KIAA1549L: variants seen among roughly 807,000 people sequenced by gnomAD.
KIAA1549L encodes KIAA1549 like.
A neutral mutation model predicts 160.7 loss-of-function variants in KIAA1549L; 88 were observed. That is an observed-to-expected ratio of 0.55 (90% CI 0.46 to 0.65). The LOEUF (loss-of-function observed/expected upper bound fraction) is 0.65. Ranked by LOEUF, KIAA1549L falls within the 30% of genes least tolerant of loss-of-function variation. The probability of loss-of-function intolerance (pLI) is 0.00; values close to 1 mark genes in which losing one functional copy is unlikely to be tolerated. For synonymous variants in KIAA1549L, 950 were observed against 976.7 expected, an observed-to-expected ratio of 0.97 and a Z score of 0.51; for missense variants, 2,258 against 2,437.5, an observed-to-expected ratio of 0.93 and a Z score of 1.55.
intron 16 of KIAA1549L, among the ~76,000 whole-genome samples, chr11:33,637,479 C>A (rs941883518): frequency 6.6e-6 from 1 of 152,252 alleles, no homozygotes; most frequent in African/African-American, 2.4e-5. Flanking sequence ...ACCCTGCCTT[C>A]CTCTCCAGCC....
Position 33,522,649 on chromosome 11 carries a change from A to C in KIAA1549L, c.239-19153A>C, listed in dbSNP as rs954566968. Among the ~76,000 whole-genome samples, 9 of 152,176 alleles carry C rather than the reference A, an allele frequency of 5.9e-5. 1 individual carries two copies. The highest frequency in any genetic ancestry group is 5.9e-4 in the Admixed American group (9 of 15,272). On this transcript the variant is annotated intron_variant, in intron 1 of 20. Coordinates refer to ENST00000658780, the MANE Select transcript of KIAA1549L (RefSeq NM_012194.3). ...AATAATTTATGCCTGTAATCCCAGCACTTTGGGAGGCTAAGGCAGGAGGAT... is the reference window on the plus strand; with the variant it reads ...AATAATTTATGCCTGTAATCCCAGCCCTTTGGGAGGCTAAGGCAGGAGGAT...
At chr11:33,452,894 T>C (rs907203042) in intron 1 of KIAA1549L, among the ~76,000 whole-genome samples, 1 of 152,212 alleles carries the variant, frequency 6.6e-6, no homozygotes, top group Non-Finnish European at 1.5e-5. Context: ...GTGGGACCAG[T>C]GGCTCTGTAT....
At position 33,441,116 on chromosome 11, in the gene KIAA1549L, C is replaced by T. The variant is rs541302599; in HGVS notation, c.238+64227C>T. On this transcript the variant is annotated intron_variant, in intron 1 of 20. Transcript: ENST00000658780. ...CCCCAGTGTGTGATGTTCCCCTTCCCGTGTCCATGTGTTCTCATTGTTCAG... is the reference window on the plus strand; with the variant it reads ...CCCCAGTGTGTGATGTTCCCCTTCCTGTGTCCATGTGTTCTCATTGTTCAG... Among the ~76,000 whole-genome samples, 7 of 149,920 alleles carry T rather than the reference C, an allele frequency of 4.7e-5. No homozygotes were observed. The South Asian group carries it at 1.1e-3, about 23-fold the overall frequency.
At chr11:33,510,358 C>T (rs369836962) in intron 1 of KIAA1549L, among the ~76,000 whole-genome samples, 26 of 152,144 alleles carry the variant, frequency 1.7e-4, no homozygotes, top group African/African-American at 5.5e-4. Context: ...GCTAATTTTT[C>T]GTACTTGTAG....
At chr11:33,652,591 A>G (rs1370522875) in intron 17 of KIAA1549L, among the ~76,000 whole-genome samples, 1 of 152,266 alleles carries the variant, frequency 6.6e-6, no homozygotes, top group African/African-American at 2.4e-5. Context: ...TGCTGACTAC[A>G]GAATAAGCCT....
intron 16 of KIAA1549L, among the ~76,000 whole-genome samples, chr11:33,641,909 C>T (rs1851597557): frequency 6.6e-6 from 1 of 152,058 alleles, no homozygotes; most frequent in African/African-American, 2.4e-5. Flanking sequence ...TGACTGGGAG[C>T]TCCTTGAGGG....
At chr11:33,495,383 T>A (rs1852792751) in intron 1 of KIAA1549L, among the ~76,000 whole-genome samples, 1 of 151,830 alleles carries the variant, frequency 6.6e-6, no homozygotes. Flanking sequence ...GGTGTTTGGT[T>A]TTTTGTTCTT....
chr11:33,659,005 C>T, intron 19 of KIAA1549L, 107 bp downstream of exon 19: 1 of 1,145,988 alleles, frequency 8.7e-7, no homozygotes, highest in Non-Finnish European at 1.2e-6. Context: ...CCTCAGGAAT[C>T]ACAGCCACTG....
At position 33,668,224 on chromosome 11, in the gene KIAA1549L, G is replaced by C; in HGVS notation, c.*70G>C. The C allele has an allele frequency of 4.2e-6, 6 of 1,440,866 alleles. No individual in the cohort carries two copies. The South Asian group carries it at 7.7e-5, about 19-fold the overall frequency. The allele number at this position is 1,440,866 out of a possible 1,614,324, so 89.3% of individuals were successfully genotyped here. ...CAGCCTTTGGGTTTCCCATGCCTAC[G>C]TGTTAGGACTTGAGACATAGCAATG... On this transcript the variant is annotated 3_prime_UTR_variant, in exon 21 of 21. Coordinates refer to ENST00000658780, the MANE Select transcript of KIAA1549L (RefSeq NM_012194.3).
chr11:33,396,208 C>T (rs764139577), intron 1 of KIAA1549L, among the ~76,000 whole-genome samples: 28 of 152,176 alleles, frequency 1.8e-4, no homozygotes, highest in Non-Finnish European at 3.7e-4. Context: ...TGTCCTATTA[C>T]AGGACCATCA....
At chr11:33,433,370 T>C (rs1268073549) in intron 1 of KIAA1549L, among the ~76,000 whole-genome samples, 1 of 152,060 alleles carries the variant, frequency 6.6e-6, no homozygotes, top group Non-Finnish European at 1.5e-5. Context: ...ATCAGAGAAA[T>C]GCAAATCAAA....
chr11:33,656,828 C>T (rs1262975043), intron 18 of KIAA1549L, among the ~76,000 whole-genome samples: 6 of 152,078 alleles, frequency 3.9e-5, no homozygotes, highest in Admixed American at 2.0e-4. Context: ...GGAGGGACCC[C>T]GCTCTCATTG....
Position 33,542,882 on chromosome 11 carries a change from C to G in KIAA1549L, c.1319C>G (p.Thr440Ser), listed in dbSNP as rs775484286. ...ACCAGCAGAAAGCTAGCCTCTGCCACTGCAAATGACTCTGCTAACCCGCTG... is the reference window on the plus strand; with the variant it reads ...ACCAGCAGAAAGCTAGCCTCTGCCAGTGCAAATGACTCTGCTAACCCGCTG... Reference protein sequence around the residue: ...EMTSRKLASATANDSANPLHL... With the variant: ...EMTSRKLASASANDSANPLHL... The change falls in exon 2 of 21, where the codon ACT becomes AGT. Residue 440 changes from threonine (T) to serine (S), a missense_variant. Physicochemically the swap from Thr to Ser is moderately conservative, Grantham distance 58 (BLOSUM62 1). Transcript: ENST00000658780. 1 of 1,614,006 alleles carries G rather than the reference C, an allele frequency of 6.2e-7. No homozygotes were observed.
intron 16 of KIAA1549L, among the ~76,000 whole-genome samples, chr11:33,641,390 T>C (rs1851574972): frequency 6.6e-6 from 1 of 152,024 alleles, no homozygotes. Context: ...AAACAAATGC[T>C]GATGTGCCAG....
chr11:33,450,718 G>A (rs1231331634), intron 1 of KIAA1549L: 1 of 152,272 alleles, frequency 6.6e-6, no homozygotes, highest in African/African-American at 2.4e-5. Context: ...AGAGAGGTAT[G>A]CTGGACGGGA....
At chr11:33,538,638 GA>G (rs1195693725) in intron 1 of KIAA1549L, among the ~76,000 whole-genome samples, 1 of 152,114 alleles carries the variant, frequency 6.6e-6, no homozygotes, top group African/African-American at 2.4e-5. Context: ...AAGACAGAGG[GA>G]ATCCAGAGAG....
chr11:33,433,456 T>C (rs983704893), intron 1 of KIAA1549L, among the ~76,000 whole-genome samples: 1 of 152,030 alleles, frequency 6.6e-6, no homozygotes, highest in African/African-American at 2.4e-5. Flanking sequence ...CTGGTGAGGT[T>C]GTGGAGAAAT....
intron 1 of KIAA1549L, among the ~76,000 whole-genome samples, chr11:33,476,384 G>A (rs1397626691): frequency 6.6e-6 from 1 of 151,840 alleles, no homozygotes; most frequent in South Asian, 2.1e-4. Flanking sequence ...TATAAGCCAC[G>A]GGTCAAATTC....
At chr11:33,425,536 A>C (rs1851098507) in intron 1 of KIAA1549L, among the ~76,000 whole-genome samples, 1 of 152,176 alleles carries the variant, frequency 6.6e-6, no homozygotes, top group South Asian at 2.1e-4. Context: ...ATAAGCTTTG[A>C]AATATACTTG....
Sources: allele counts gnomAD v4.1 joint callset (sites outside exome capture counted in the v4.1 genomes callset), GRCh38; gene constraint gnomAD v4.1.1; transcripts MANE v1.5; gene names NCBI Gene and HGNC (gene_info 2026-07-23, HGNC 2026-07-21).